CYP2C18: variants seen among roughly 807,000 people sequenced by gnomAD.
The protein encoded by CYP2C18 is cytochrome P450 2C18.
A neutral mutation model predicts 41.3 loss-of-function variants in CYP2C18; 38 were observed. The observed-to-expected ratio is 0.92, with a 90% CI of 0.71 to 1.21. The LOEUF is 1.21. Ranked by LOEUF, CYP2C18 falls within the 50% of genes most tolerant of loss-of-function variation. CYP2C18 has a pLI of 0.00. For synonymous variants in CYP2C18, 236 were observed against 210.0 expected (o/e 1.12, Z -1.07); for missense variants, 635 against 591.4 (o/e 1.07, Z -0.77).
intron 5 of CYP2C18, among the ~76,000 whole-genome samples, chr10:94,712,028 T>TTTTTTTTTTTTTTTTTTTTTG (rs1847446163): frequency 8.1e-6 from 1 of 123,548 alleles, no homozygotes; most frequent in Admixed American, 9.2e-5. Context: ...TTTTTTTTTT[T>TTTTTTTTTTTTTTTTTTTTTG]GTAGAGATAG....
chr10:94,711,802 C>A (rs1160643372), intron 5 of CYP2C18, among the ~76,000 whole-genome samples: 1 of 151,804 alleles, frequency 6.6e-6, no homozygotes, highest in Admixed American at 6.6e-5. Flanking sequence ...AAAAAGAAGT[C>A]TGTACATGTC....
At chr10:94,698,050 C>G (rs1392269654) in intron 4 of CYP2C18, among the ~76,000 whole-genome samples, 3 of 152,188 alleles carry the variant, frequency 2.0e-5, no homozygotes, top group African/African-American at 7.2e-5. Flanking sequence ...TAACACCCCA[C>G]TGTCAACATT....
At chr10:94,729,846 A>G (rs553583469) in intron 7 of CYP2C18, among the ~76,000 whole-genome samples, 5 of 152,254 alleles carry the variant, frequency 3.3e-5, no homozygotes, top group Admixed American at 1.3e-4. Flanking sequence ...CTTATTTATC[A>G]ACAAAGAGAA....
Position 94,706,770 on chromosome 10 carries a change from T to A in CYP2C18, c.643-14T>A. On this transcript the variant is annotated splice_polypyrimidine_tract_variant and intron_variant, in intron 4 of 8. Transcript: ENST00000285979. ...ACATGTGTTTAATTTAATTAATTTT[T>A]AAAAATCTTTAAGGTCTGCAATAAT... 6 of 1,464,270 alleles carry A rather than the reference T, an allele frequency of 4.1e-6. No individual in the cohort carries two copies. Among genetic ancestry groups the A allele is most frequent in the Non-Finnish European group, 5.6e-6 (6 of 1,072,592 alleles). 90.7% of individuals were successfully genotyped at this position (1,464,270 alleles called of 1,614,324 possible).
chr10:94,700,599 G>A (rs1196957692), intron 4 of CYP2C18, among the ~76,000 whole-genome samples: 2 of 152,162 alleles, frequency 1.3e-5, no homozygotes, highest in African/African-American at 4.8e-5. Context: ...AAAAGCAATG[G>A]CAACAAAAGC....
At chr10:94,720,796 T>C (rs1443118275) in intron 6 of CYP2C18, among the ~76,000 whole-genome samples, 1 of 152,132 alleles carries the variant, frequency 6.6e-6, no homozygotes, top group South Asian at 2.1e-4. Context: ...CTAAATACTT[T>C]TAATAAAGTG....
rs1333707384 is a variant in CYP2C18, at chr10:94,688,119, T to C, written c.332-6T>C. 5 of 1,613,266 alleles carry C rather than the reference T, an allele frequency of 3.1e-6. No individual in the cohort carries two copies. The highest frequency in any genetic ancestry group is 1.1e-5 in the South Asian group (1 of 91,074). On this transcript the variant is annotated splice_region_variant and splice_polypyrimidine_tract_variant and intron_variant, in intron 2 of 8. Coordinates refer to ENST00000285979, the MANE Select transcript of CYP2C18 (RefSeq NM_000772.3). ...CCCTCGTAGCTTCTGTTTTCTGTTC[T>C]GCTAGGAATCCTTTTCAGCAATGGA...
chr10:94,713,729 A>G (rs1216017809), intron 5 of CYP2C18, among the ~76,000 whole-genome samples: 1 of 152,176 alleles, frequency 6.6e-6, no homozygotes, highest in Non-Finnish European at 1.5e-5. Flanking sequence ...TGATATTTCT[A>G]GTTCTAGATC....
At chr10:94,691,882 T>C (rs1847007203) in intron 3 of CYP2C18, among the ~76,000 whole-genome samples, 1 of 152,092 alleles carries the variant, frequency 6.6e-6, no homozygotes, top group South Asian at 2.1e-4. Flanking sequence ...TATCTACAAC[T>C]ATCTGATCTT....
intron 5 of CYP2C18, among the ~76,000 whole-genome samples, chr10:94,714,703 A>G (rs1475071426): frequency 6.6e-6 from 1 of 152,138 alleles, no homozygotes; most frequent in East Asian, 1.9e-4. Context: ...AGTTTTTTCC[A>G]ATTCTGTGAA....
At chr10:94,704,634 A>G (rs1316342159) in intron 4 of CYP2C18, among the ~76,000 whole-genome samples, 1 of 152,148 alleles carries the variant, frequency 6.6e-6, no homozygotes, top group Non-Finnish European at 1.5e-5. Flanking sequence ...GCCTTCACTT[A>G]CTGCTTAAGT....
rs77723790 is a variant in CYP2C18, at chr10:94,727,623, C to CA, written c.1149+3100dup. Reference sequence around the variant, plus strand: ...GAGCAAGGCCCTGTCTCAAAAAAAACAAAAAAAAAAGAGGAAAGAAAAGAA... The same window carrying CA: ...GAGCAAGGCCCTGTCTCAAAAAAAACAAAAAAAAAAAGAGGAAAGAAAAGAA... On this transcript the variant is annotated intron_variant, in intron 7 of 8. Transcript: ENST00000285979. Among the ~76,000 whole-genome samples, 447 of 140,652 alleles carry CA rather than the reference C, an allele frequency of 3.2e-3. 4 individuals are homozygous for CA. Among genetic ancestry groups the CA allele is most frequent in the African/African-American group, 8.1e-3 (309 of 38,122 alleles). 92.3% of individuals were successfully genotyped at this position (140,652 alleles called of 152,430 possible).
chr10:94,710,209 A>G (rs1847412026), intron 5 of CYP2C18, among the ~76,000 whole-genome samples: 1 of 152,220 alleles, frequency 6.6e-6, no homozygotes, highest in Admixed American at 6.5e-5. Flanking sequence ...GGCCTCAAGC[A>G]GTCCACCCAC....
Position 94,720,439 on chromosome 10 carries a change from T to C in CYP2C18, c.863T>C (p.Ile288Thr). Reference sequence around the variant, plus strand: ...TCTGAATTTACTGTTGAAAGCTTGATAGCCACTGTAACTGATATGTTTGGG... The same window carrying C: ...TCTGAATTTACTGTTGAAAGCTTGACAGCCACTGTAACTGATATGTTTGGG... Reference protein sequence around the residue: ...QQSEFTVESLIATVTDMFGAG... With the variant: ...QQSEFTVESLTATVTDMFGAG... The change falls in exon 6 of 9, where the codon ATA becomes ACA. Residue 288 changes from isoleucine to threonine, a missense_variant. By Grantham distance (89) the Ile-to-Thr change is moderately conservative. Transcript: ENST00000285979. 1.2e-6 allele frequency: 2 copies of C among 1,612,924 alleles called. No individual in the cohort carries two copies. Among genetic ancestry groups the C allele is most frequent in the Non-Finnish European group, 1.7e-6 (2 of 1,179,214 alleles).
chr10:94,690,365 T>C (rs1846974072), intron 3 of CYP2C18, among the ~76,000 whole-genome samples: 1 of 152,118 alleles, frequency 6.6e-6, no homozygotes, highest in African/African-American at 2.4e-5. Context: ...AAATCTAATA[T>C]TGAAATGTAA....
At chr10:94,708,879 G>A (rs1165561156) in intron 5 of CYP2C18, among the ~76,000 whole-genome samples, 1 of 152,126 alleles carries the variant, frequency 6.6e-6, no homozygotes, top group Non-Finnish European at 1.5e-5. Flanking sequence ...ATGTTTTCAA[G>A]GTTCATTGAC....
intron 1 of CYP2C18, 117 bp from the exon 2 acceptor site, chr10:94,687,653 G>A: frequency 1.1e-6 from 1 of 947,730 alleles, no homozygotes; most frequent in Non-Finnish European, 1.6e-6. Context: ...ATTTGAAGCT[G>A]TATTTGACAG....
chr10:94,720,615 T>C, intron 6 of CYP2C18, 78 bp downstream of exon 6: 4 of 1,373,878 alleles, frequency 2.9e-6, no homozygotes, highest in Non-Finnish European at 4.0e-6. Context: ...CTCAATCTTG[T>C]TTCTCTTAGA....
At chr10:94,733,080 T>TC (rs1847861441) in intron 7 of CYP2C18, among the ~76,000 whole-genome samples, 1 of 152,074 alleles carries the variant, frequency 6.6e-6, no homozygotes, top group South Asian at 2.1e-4. Context: ...GCTCAGGACT[T>TC]CAAGTGCAAT....
Sources: allele counts gnomAD v4.1 joint callset (sites outside exome capture counted in the v4.1 genomes callset), GRCh38; gene constraint gnomAD v4.1.1; transcripts MANE v1.5; gene names NCBI Gene and HGNC (gene_info 2026-07-23, HGNC 2026-07-21).